The following ANO4 variants were observed in gnomAD, a reference collection of about 807,000 sequenced individuals.
ANO4 encodes the protein anoctamin-4.
A neutral mutation model predicts 141.9 loss-of-function variants in ANO4; 69 were observed. That is an observed-to-expected ratio of 0.49 (90% CI 0.40 to 0.59). ANO4 has a LOEUF of 0.59. Among genes scored for constraint, ANO4 ranks in the 20% least tolerant of loss-of-function variants. ANO4 has a pLI of 0.00. For synonymous variants in ANO4, 350 were observed against 394.3 expected (o/e 0.89, Z 1.33); for missense variants, 894 against 1,162.2 (o/e 0.77, Z 3.36).
intron 8 of ANO4, among the ~76,000 whole-genome samples, chr12:101,000,527 T>C (rs922362107): frequency 1.3e-5 from 2 of 152,212 alleles, no homozygotes; most frequent in Non-Finnish European, 2.9e-5. Flanking sequence ...TTAAGGTTCT[T>C]TTAGTGCCTC....
intron 1 of ANO4, among the ~76,000 whole-genome samples, chr12:100,809,262 C>T (rs1313080035): frequency 2.6e-5 from 4 of 152,070 alleles, no homozygotes; most frequent in Non-Finnish European, 5.9e-5. Context: ...TGGCATGCAC[C>T]TGTAATCCCA....
intron 14 of ANO4, among the ~76,000 whole-genome samples, chr12:101,050,434 C>A (rs1032330915): frequency 8.5e-5 from 13 of 152,176 alleles, no homozygotes; most frequent in African/African-American, 3.1e-4. Flanking sequence ...CAAACTAACC[C>A]TAACAGAATT....
At chr12:100,900,997 G>A (rs1371520097) in intron 1 of ANO4, among the ~76,000 whole-genome samples, 2 of 152,172 alleles carry the variant, frequency 1.3e-5, no homozygotes, top group Non-Finnish European at 2.9e-5. Context: ...TATTAATGAT[G>A]TAATCTATAT....
chr12:100,900,637 A>T (rs2040552715), intron 1 of ANO4, among the ~76,000 whole-genome samples: 2 of 152,242 alleles, frequency 1.3e-5, no homozygotes, highest in Non-Finnish European at 2.9e-5. Flanking sequence ...GCCATAAAAA[A>T]GGATGAGTTC....
chr12:101,053,085 T>C (rs2047939415), intron 14 of ANO4, among the ~76,000 whole-genome samples: 1 of 152,236 alleles, frequency 6.6e-6, no homozygotes, highest in African/African-American at 2.4e-5. Flanking sequence ...TGATCTCTGC[T>C]TTCAAAAATC....
chr12:101,082,231 A>G (rs1436664066), intron 15 of ANO4, among the ~76,000 whole-genome samples: 3 of 152,146 alleles, frequency 2.0e-5, no homozygotes, highest in Non-Finnish European at 2.9e-5. Context: ...TAAAGGGGAC[A>G]TCCCCTGCAC....
chr12:100,767,937 G>A (rs917248558), intron 3 of ANO4, among the ~76,000 whole-genome samples: 1 of 152,130 alleles, frequency 6.6e-6, no homozygotes, highest in Non-Finnish European at 1.5e-5. Flanking sequence ...TGGAAGCTGA[G>A]TGGGGAGCTA....
chr12:101,104,141 C>T (rs1418255201), intron 22 of ANO4, among the ~76,000 whole-genome samples: 3 of 151,616 alleles, frequency 2.0e-5, no homozygotes, highest in African/African-American at 2.4e-5. Context: ...AAAACAGTAC[C>T]TTAGAGGTTT....
chr12:100,780,463 G>A (rs1419317874), intron 3 of ANO4, among the ~76,000 whole-genome samples: 1 of 152,188 alleles, frequency 6.6e-6, no homozygotes, highest in African/African-American at 2.4e-5. Context: ...TAAGGGACAG[G>A]TTCTTCATGA....
intron 3 of ANO4, among the ~76,000 whole-genome samples, chr12:100,932,518 C>T (rs2042123424): frequency 6.6e-6 from 1 of 151,994 alleles, no homozygotes; most frequent in Non-Finnish European, 1.5e-5. Context: ...TTAGTTCGTC[C>T]ATTTATTTGA....
At chr12:100,750,774 A>T (rs1430676984) in intron 3 of ANO4, among the ~76,000 whole-genome samples, 1 of 152,180 alleles carries the variant, frequency 6.6e-6, no homozygotes, top group African/African-American at 2.4e-5. Context: ...TTCCACAGAC[A>T]TTGTTTTGAT....
At chr12:100,800,321 TGA>T (rs1168443135) in intron 1 of ANO4, among the ~76,000 whole-genome samples, 2 of 152,196 alleles carry the variant, frequency 1.3e-5, no homozygotes, top group Non-Finnish European at 2.9e-5. Flanking sequence ...GATCTAGTGG[TGA>T]GACAGCCAGA....
At chr12:101,034,938 CT>C (rs1167273840) in intron 9 of ANO4, among the ~76,000 whole-genome samples, 1 of 152,158 alleles carries the variant, frequency 6.6e-6, no homozygotes, top group Non-Finnish European at 1.5e-5. Flanking sequence ...CTCTCATATG[CT>C]GCTGATGGAA....
intron 8 of ANO4, among the ~76,000 whole-genome samples, chr12:101,015,957 A>G (rs1431920524): frequency 6.6e-6 from 1 of 152,156 alleles, no homozygotes; most frequent in African/African-American, 2.4e-5. Flanking sequence ...CCTTCTCATA[A>G]TCCTCCAGTT....
At chr12:100,900,077 T>A (rs923083529) in intron 1 of ANO4, among the ~76,000 whole-genome samples, 6 of 151,172 alleles carry the variant, frequency 4.0e-5, no homozygotes, top group African/African-American at 1.5e-4. Context: ...CAATTTTTAT[T>A]AAAAAGTACA....
chr12:100,919,938 T>C (rs77719432), intron 2 of ANO4, among the ~76,000 whole-genome samples: 1 of 152,094 alleles, frequency 6.6e-6, no homozygotes, highest in East Asian at 1.9e-4. Context: ...TATACTGCCC[T>C]CTCACATTTA....
intron 2 of ANO4, among the ~76,000 whole-genome samples, chr12:100,912,789 C>T (rs949761109): frequency 6.6e-6 from 1 of 152,114 alleles, no homozygotes; most frequent in Non-Finnish European, 1.5e-5. Context: ...TTTGGGGTGG[C>T]TGGAAGATAA....
intron 24 of ANO4, among the ~76,000 whole-genome samples, chr12:101,112,572 A>T (rs1359435418): frequency 1.3e-5 from 2 of 152,186 alleles, no homozygotes; most frequent in African/African-American, 4.8e-5. Context: ...AAATCACCCT[A>T]CATGGGCTGC....
chr12:100,826,860 CTT>C (rs987770184), intron 1 of ANO4, among the ~76,000 whole-genome samples: 1 of 151,944 alleles, frequency 6.6e-6, no homozygotes, highest in Non-Finnish European at 1.5e-5. Flanking sequence ...TGACTCCACT[CTT>C]TTTTTCACAT....
Sources: gnomAD v4.1 joint callset for allele counts (sites outside exome capture counted in the v4.1 genomes callset) on GRCh38, gnomAD v4.1.1 for gene constraint, MANE v1.5 for transcripts, NCBI Gene and HGNC (gene_info 2026-07-23, HGNC 2026-07-21) for gene names.